The following DNAH1 variants were observed in gnomAD, a reference collection of about 807,000 sequenced individuals.
DNAH1 encodes axonemal beta dynein heavy chain 1.
DNAH1 carries 327 observed loss-of-function variants against 484.3 expected under a neutral mutation model. That is an observed-to-expected ratio of 0.68 (90% CI 0.62 to 0.74). DNAH1 has a LOEUF of 0.74. Among genes scored for constraint, DNAH1 ranks in the 30% least tolerant of loss-of-function variants. The pLI, the probability that DNAH1 is intolerant of heterozygous loss-of-function variation, is 0.00. For synonymous variants in DNAH1, 2,192 were observed against 2,191.9 expected (o/e 1.00, Z 0.00); for missense variants, 5,052 against 5,546.8 (o/e 0.91, Z 2.83).
At chr3:52,314,580 T>C (rs1700890641), upstream of DNAH1, among the ~76,000 whole-genome samples, 1 of 152,182 alleles carries the variant, frequency 6.6e-6, no homozygotes, top group African/African-American at 2.4e-5. Flanking sequence ...GCAGGGCTGC[T>C]GAGAAAAGCT....
rs1298916927 is a variant in DNAH1, at chr3:52,368,274, G to A, written c.5766-467G>A. The stretch of plus-strand genomic sequence containing the variant: ...ATATGGGCACCTAGGAGAAGGTTCC[G>A]GAGCCTAAGGCTGGACCAAGCACAG... On this transcript the variant is annotated intron_variant, in intron 36 of 77. Coordinates refer to ENST00000420323, the MANE Select transcript of DNAH1 (RefSeq NM_015512.5). The surrounding 1 kb of genome is among the most constrained non-coding windows in gnomAD (Gnocchi z 4.4). Among the ~76,000 whole-genome samples, 4 of 152,156 alleles carry A rather than the reference G, an allele frequency of 2.6e-5. No individual in the cohort carries two copies. The highest frequency in any genetic ancestry group is 2.1e-4 in the South Asian group (1 of 4,834).
chr3:52,383,468 A>G lies in DNAH1; in HGVS notation c.8024A>G (p.Gln2675Arg). 3 of 1,614,030 alleles carry G rather than the reference A, an allele frequency of 1.9e-6. No homozygotes were observed. The highest frequency in any genetic ancestry group is 1.7e-6 in the Non-Finnish European group (2 of 1,179,884). ...DIPNLYTADEQDQIVSTMRPY... is the reference protein window; with the variant it reads ...DIPNLYTADERDQIVSTMRPY... ...CCCAATCTGTATACTGCGGACGAGC[A>G]GGACCAGATCGTCAGCACCATGCGG... is the stretch of plus-strand genomic sequence containing the variant. The change falls in exon 51 of 78, where the codon CAG becomes CGG. Residue 2675 changes from glutamine (Q) to arginine (R), a missense_variant. Physicochemically the swap from Gln to Arg is conservative, Grantham distance 43. Around this residue, in one of 4 missense-constraint regions of DNAH1, gnomAD observed 2,929 missense variants for 3,409.4 expected, o/e 0.86. Transcript: ENST00000420323.
rs563971947 is a variant in DNAH1, at chr3:52,347,306, G to A, written c.1956-518G>A. On this transcript the variant is annotated intron_variant, in intron 11 of 77. Coordinates refer to ENST00000420323, the MANE Select transcript of DNAH1 (RefSeq NM_015512.5). ...GGCCTGGCGCAGTTGAGGAAGGAAA[G>A]GCTGGCCAGTGTGGCTGGAGTCAGG... Among the ~76,000 whole-genome samples, 352 of 152,314 alleles carry A rather than the reference G, an allele frequency of 2.3e-3. 1 individual carries two copies. The highest frequency in any genetic ancestry group is 8.0e-3 in the African/African-American group (334 of 41,570).
At position 52,397,840 on chromosome 3, in the gene DNAH1, C is replaced by A. The variant is rs1195962565; in HGVS notation, c.11921C>A (p.Pro3974His). Residue 3974 changes from proline (P) to histidine (H), a missense_variant, in exon 74 of 78, where the codon CCC becomes CAC. Transcript: ENST00000420323. ...CTGGGCACCATCATCCAGCTGCAAC[C>A]CAAATCATCTTCTGCAGGCAGCCAG... ...ALLGTIIQLQPKSSSAGSQGR... is the reference protein window; with the variant it reads ...ALLGTIIQLQHKSSSAGSQGR... The A allele has an allele frequency of 6.2e-7, 1 of 1,611,132 alleles. No homozygotes were observed. The highest frequency in any genetic ancestry group is 1.7e-5 in the Admixed American group (1 of 59,564).
rs368852045 is a variant in DNAH1 at position 52,380,099 on chromosome 3, T to A, written c.7572T>A (p.Asp2524Glu). 4.4e-6 allele frequency: 7 copies of A among 1,603,616 alleles called. No individual in the cohort carries two copies. Among genetic ancestry groups the A allele is most frequent in the African/African-American group, 2.7e-5 (2 of 74,664 alleles). ...GGGACTTCATGTCACCAGGCTCCGA[T>A]GTCAAGTCCTACGAGCTCATCACCA... is the stretch of plus-strand genomic sequence containing the variant. ...LYGDFMSPGS[D>E]VKSYELITSE... The change falls in exon 48 of 78, where the codon GAT (aspartate) becomes GAA (glutamate). Residue 2524 changes from aspartate to glutamate, a missense_variant. By Grantham distance (45) the Asp-to-Glu change is conservative. Transcript: ENST00000420323.
Position 52,362,317 on chromosome 3 carries a change from G to A in DNAH1, c.4981-71G>A. 1 of 1,312,412 alleles carries A rather than the reference G, an allele frequency of 7.6e-7. No individual in the cohort carries two copies. The highest frequency in any genetic ancestry group is 1.1e-6 in the Non-Finnish European group (1 of 925,696). The allele number at this position is 1,312,412 out of a possible 1,614,324, so 81.3% of individuals were successfully genotyped here. A position where few individuals can be genotyped will look rare whatever the true frequency, so the allele number is the denominator to read the frequency against. On this transcript the variant is annotated intron_variant, in intron 30 of 77. Coordinates refer to ENST00000420323, the MANE Select transcript of DNAH1 (RefSeq NM_015512.5). The surrounding 1 kb of genome is among the most constrained non-coding windows in gnomAD (Gnocchi z 5.1). ...GGACAGGGGCATCAACAGGGGACAAGGGGCCCACTCAGAGGAGGGGACAAG... is the reference window on the plus strand; with the variant it reads ...GGACAGGGGCATCAACAGGGGACAAAGGGCCCACTCAGAGGAGGGGACAAG...
intron 6 of DNAH1, among the ~76,000 whole-genome samples, chr3:52,329,485 T>C (rs1029926620): frequency 2.6e-5 from 4 of 152,144 alleles, no homozygotes; most frequent in African/African-American, 7.2e-5. Context: ...TTCCTGAGAA[T>C]TCCAGCCCTT....
rs1316549411 is a variant in DNAH1, at chr3:52,350,528, G to A, written c.2667G>A (p.Met889Ile). The change falls in exon 16 of 78, where the codon ATG (methionine) becomes ATA (isoleucine). Residue 889 changes from methionine to isoleucine, a missense_variant. Coordinates refer to ENST00000420323, the MANE Select transcript of DNAH1 (RefSeq NM_015512.5). ...TGCAGGAGCGGATTGTGAAGGTCAT[G>A]GATGACTACCAGGTCATGGATGAAT... Reference protein sequence around the residue: ...VGLEERIVKVMDDYQVMDEFL... With the variant: ...VGLEERIVKVIDDYQVMDEFL... The A allele has an allele frequency of 4.3e-6, 7 of 1,613,820 alleles. No homozygotes were observed. The African/African-American group carries it at 5.3e-5, about 12-fold the overall frequency.
At chr3:52,363,185 T>G in intron 32 of DNAH1, 41 bp downstream of exon 32, 1 of 1,603,968 alleles carries the variant, frequency 6.2e-7, no homozygotes, top group Non-Finnish European at 8.5e-7. Context: ...TCTGAAAACT[T>G]CTGCCTGCTC....
chr3:52,343,433 A>G (rs767919245), intron 8 of DNAH1, among the ~76,000 whole-genome samples: 6 of 152,000 alleles, frequency 3.9e-5, no homozygotes, highest in Non-Finnish European at 5.9e-5. Context: ...TTTCTGTCCA[A>G]TGGCTTCTGA....
At position 52,383,539 on chromosome 3, in the gene DNAH1, A is replaced by G. The variant is rs747280596; in HGVS notation, c.8095A>G (p.Met2699Val). The G allele has an allele frequency of 1.1e-5, 18 of 1,610,990 alleles. No individual in the cohort carries two copies. The highest frequency in any genetic ancestry group is 1.4e-5 in the Non-Finnish European group (17 of 1,177,912). Residue 2699 changes from methionine to valine, a missense_variant, in exon 51 of 78, where the codon ATG becomes GTG. By Grantham distance (21) the Met-to-Val change is conservative. Around this residue, in one of 4 missense-constraint regions of DNAH1, gnomAD observed 2,929 missense variants for 3,409.4 expected, o/e 0.86. Transcript: ENST00000420323. The stretch of plus-strand genomic sequence containing the variant: ...CCTACAGCCCACCAAGGCCAACCTC[A>G]TGGCTGCTTACACAGGGCGTGTGCG... ...QGLQPTKANL[M>V]AAYTGRVRSN...
Position 52,382,433 on chromosome 3 carries a change from C to A in DNAH1, c.7919C>A (p.Thr2640Asn). 2.5e-6 allele frequency: 4 copies of A among 1,613,972 alleles called. No homozygotes were observed. The highest frequency in any genetic ancestry group is 3.4e-6 in the Non-Finnish European group (4 of 1,179,868). ...LKAGLQNLPI[T>N]FLFSDTQIKN... The stretch of plus-strand genomic sequence containing the variant: ...GCGGGCCTACAGAACCTACCCATCA[C>A]CTTCCTCTTCTCAGACACCCAGGTG... Residue 2640 changes from threonine (T) to asparagine (N), a missense_variant, in exon 50 of 78, where the codon ACC becomes AAC. Coordinates refer to ENST00000420323, the MANE Select transcript of DNAH1 (RefSeq NM_015512.5).
intron 3 of DNAH1, among the ~76,000 whole-genome samples, chr3:52,325,070 G>C (rs904150427): frequency 1.2e-4 from 19 of 152,178 alleles, no homozygotes; most frequent in African/African-American, 4.6e-4. Context: ...GGTGATTAGG[G>C]CTCTGAAAAC....
intron 26 of DNAH1, 88 bp from the exon 27 acceptor site, chr3:52,359,828 T>G (rs1339277073): frequency 6.5e-7 from 1 of 1,539,456 alleles, no homozygotes; most frequent in Non-Finnish European, 8.9e-7. Context: ...AGAGGGACTG[T>G]TTGTGGCAGA....
intron 36 of DNAH1, among the ~76,000 whole-genome samples, chr3:52,367,089 G>T (rs1223272679): frequency 6.6e-6 from 1 of 152,178 alleles, no homozygotes; most frequent in African/African-American, 2.4e-5. Context: ...TGCAAAGCGG[G>T]GACAATAATG....
Position 52,346,613 on chromosome 3 carries a change from A to G in DNAH1, c.1798A>G (p.Met600Val), listed in dbSNP as rs780334592. The G allele has an allele frequency of 1.3e-5, 21 of 1,613,938 alleles. No individual in the cohort carries two copies. In the Admixed American group the frequency reaches 1.3e-4, roughly 10 times the overall value. ...CCTCATGTCCAAGCTGCGCAAGCTG[A>G]TGGAGCTGGTGAAGTACATGCTGCA... ...VYLMSKLRKL[M>V]ELVKYMLQDT... Residue 600 changes from methionine to valine, a missense_variant, in exon 11 of 78, where the codon ATG (methionine) becomes GTG (valine). Around this residue, in one of 4 missense-constraint regions of DNAH1, gnomAD observed 1,263 missense variants for 1,218.8 expected, o/e 1.04. Transcript: ENST00000420323.
At chr3:52,339,358 T>C (rs1403679421) in intron 8 of DNAH1, among the ~76,000 whole-genome samples, 1 of 152,172 alleles carries the variant, frequency 6.6e-6, no homozygotes. Flanking sequence ...GGTCACCTTG[T>C]AATTTCAGCT....
In DNAH1 at chr3:52,361,894, G is replaced by A. The variant is rs2153224394; in HGVS notation, c.4980+128G>A. 13 of 1,007,390 alleles carry A rather than the reference G, an allele frequency of 1.3e-5. No homozygotes were observed. The highest frequency in any genetic ancestry group is 1.1e-4 in the South Asian group (7 of 63,794). The allele number at this position is 1,007,390 out of a possible 1,614,324, so 62.4% of individuals were successfully genotyped here. ...GGGTCCAGCCTCTCTTGTCCCGGGG[G>A]CACACCCTAACCCCAGTCTGTGGGC... On this transcript the variant is annotated intron_variant, in intron 30 of 77. Coordinates refer to ENST00000420323, the MANE Select transcript of DNAH1 (RefSeq NM_015512.5). This position sits in a 1 kb window ranked among gnomAD's most constrained non-coding sequence, Gnocchi z 5.6.
Position 52,357,623 on chromosome 3 carries a change from G to A in DNAH1, c.3868G>A (p.Val1290Met). 1 of 1,600,480 alleles carries A rather than the reference G, an allele frequency of 6.2e-7. No individual in the cohort carries two copies. Among genetic ancestry groups the A allele is most frequent in the Non-Finnish European group, 8.5e-7 (1 of 1,173,056 alleles). ...NAYENREVIN[V>M]CSDLRMLDSL... ...GGCCCGGGCCCTGCAGGTGATCAAT[G>A]TGTGTTCCGACCTGAGAATGCTGGA... Residue 1290 changes from valine to methionine, a missense_variant, in exon 23 of 78, where the codon GTG becomes ATG. Physicochemically the swap from Val to Met is conservative, Grantham distance 21. This residue lies in a region of DNAH1 where 2,929 missense variants were observed against 3,409.4 expected (regional missense o/e 0.86). Transcript: ENST00000420323.
Sources: gnomAD v4.1 joint callset for allele counts (sites outside exome capture counted in the v4.1 genomes callset) on GRCh38, gnomAD v4.1.1 for gene constraint, gnomAD v4.1.1 regional missense constraint, Gnocchi (gnomAD v3.1) non-coding constraint, MANE v1.5 for transcripts, NCBI Gene and HGNC (gene_info 2026-07-23, HGNC 2026-07-21) for gene names.